The following PLCB1 variants were observed in gnomAD, a reference collection of about 807,000 sequenced individuals.
The protein encoded by PLCB1 is phospholipase C beta 1, also known as 1-phosphatidylinositol 4,5-bisphosphate phosphodiesterase beta-1.
A neutral mutation model predicts 161.8 loss-of-function variants in PLCB1; 46 were observed. That is an observed-to-expected ratio of 0.28 (90% CI 0.22 to 0.36). PLCB1 has a LOEUF of 0.36. Among genes scored for constraint, PLCB1 ranks in the 10% least tolerant of loss-of-function variants. The pLI is 1.00. For synonymous variants in PLCB1, 517 were observed against 503.7 expected, an observed-to-expected ratio of 1.03 and a Z score of -0.35; for missense variants, 1,016 against 1,472.5, an observed-to-expected ratio of 0.69 and a Z score of 5.07.
chr20:8,330,418 A>G (rs1985323350), intron 2 of PLCB1, among the ~76,000 whole-genome samples: 2 of 152,236 alleles, frequency 1.3e-5, no homozygotes, highest in Non-Finnish European at 2.9e-5. Flanking sequence ...TTATAGCCGT[A>G]GAAGAGCCAT....
At chr20:8,424,124 G>GAC (rs1307071872) in intron 3 of PLCB1, among the ~76,000 whole-genome samples, 2 of 151,942 alleles carry the variant, frequency 1.3e-5, no homozygotes, top group Non-Finnish European at 2.9e-5. Context: ...TCAAAAACCT[G>GAC]ACACACACAC....
chr20:8,316,533 A>G (rs1254351421), intron 2 of PLCB1, among the ~76,000 whole-genome samples: 1 of 152,158 alleles, frequency 6.6e-6, no homozygotes, highest in East Asian at 1.9e-4. Context: ...CGGAGTTCCC[A>G]TGAGATTGGC....
At chr20:8,651,587 CT>C (rs776016541) in intron 7 of PLCB1, 10 of 695,540 alleles carry the variant, frequency 1.4e-5, no homozygotes, top group Non-Finnish European at 2.4e-5. Flanking sequence ...CTGTCCCCGA[CT>C]TCAACAAATA....
intron 3 of PLCB1, among the ~76,000 whole-genome samples, chr20:8,467,106 AT>A (rs1981856680): frequency 1.3e-5 from 2 of 151,676 alleles, no homozygotes; most frequent in Admixed American, 6.6e-5. Flanking sequence ...TGCCCAACTA[AT>A]TTTTTGTATT....
chr20:8,502,202 C>T (rs1983455316), intron 3 of PLCB1, among the ~76,000 whole-genome samples: 1 of 151,940 alleles, frequency 6.6e-6, no homozygotes, highest in Admixed American at 6.6e-5. Flanking sequence ...TATGGGACAG[C>T]TCTAAATACA....
chr20:8,735,178 A>T (rs1405164343), intron 19 of PLCB1, among the ~76,000 whole-genome samples: 5 of 152,230 alleles, frequency 3.3e-5, no homozygotes, highest in Non-Finnish European at 5.9e-5. Flanking sequence ...AATTGTTGTT[A>T]TAGTTCGGTT....
At chr20:8,700,877 A>C (rs1024875254) in intron 11 of PLCB1, among the ~76,000 whole-genome samples, 6 of 152,200 alleles carry the variant, frequency 3.9e-5, no homozygotes, top group African/African-American at 1.4e-4. Context: ...GGTAGGTGAC[A>C]GTGGGTGAGG....
At chr20:8,229,082 C>A (rs1362436503) in intron 2 of PLCB1, among the ~76,000 whole-genome samples, 1 of 152,038 alleles carries the variant, frequency 6.6e-6, no homozygotes, top group African/African-American at 2.4e-5. Context: ...CTGTTCTATT[C>A]TACTTCTAAG....
At chr20:8,280,447 C>A (rs1177360538) in intron 2 of PLCB1, among the ~76,000 whole-genome samples, 1 of 151,838 alleles carries the variant, frequency 6.6e-6, no homozygotes, top group East Asian at 1.9e-4. Flanking sequence ...CTACTATTTT[C>A]TATTTGGGTT....
Position 8,333,936 on chromosome 20 carries a change from G to C in PLCB1, c.178-37446G>C, listed in dbSNP as rs548394118. Among the ~76,000 whole-genome samples the C allele has an allele frequency of 3.3e-5, 5 of 152,322 alleles. No homozygotes were observed. The South Asian group carries it at 1.0e-3, about 32-fold the overall frequency. ...AGAAAACATTAGCTTTGGGCCTGGC[G>C]CGGTGGCTCACGCCTATAATCCCAG... On this transcript the variant is annotated intron_variant, in intron 2 of 31. Coordinates refer to ENST00000338037, the MANE Select transcript of PLCB1 (RefSeq NM_015192.4).
intron 2 of PLCB1, among the ~76,000 whole-genome samples, chr20:8,253,613 A>G (rs1010657485): frequency 1.3e-5 from 2 of 151,912 alleles, no homozygotes; most frequent in African/African-American, 4.8e-5. Context: ...CTCTTCACAT[A>G]TATTTATTTA....
intron 3 of PLCB1, among the ~76,000 whole-genome samples, chr20:8,607,649 A>T (rs1209588530): frequency 6.6e-6 from 1 of 151,558 alleles, no homozygotes; most frequent in Non-Finnish European, 1.5e-5. Context: ...ATTTTACCTT[A>T]CCCCATTTTA....
intron 4 of PLCB1, among the ~76,000 whole-genome samples, chr20:8,629,967 T>TTTC (rs1988518918): frequency 6.3e-5 from 1 of 15,910 alleles, no homozygotes; most frequent in African/African-American, 1.8e-4. Context: ...TTCTTTCTTC[T>TTTC]TTCTTTCTTT....
intron 23 of PLCB1, among the ~76,000 whole-genome samples, chr20:8,753,870 C>G (rs1600299970): frequency 1.3e-5 from 2 of 152,288 alleles, no homozygotes; most frequent in African/African-American, 4.8e-5. Context: ...TGGACATGAC[C>G]TCACTTTGCC....
rs964510457 is a variant in PLCB1 at position 8,604,623 on chromosome 20, T to C, written c.247-23671T>C. ...ACAAGCAAAACAAGGGAAAGCATTA[T>C]TTGGTTGTCTGTCATTGCTAGGGTG... is the stretch of plus-strand genomic sequence containing the variant. On this transcript the variant is annotated intron_variant, in intron 3 of 31. Transcript: ENST00000338037. Among the ~76,000 whole-genome samples the C allele has an allele frequency of 1.3e-5, 2 of 152,150 alleles. 1 individual carries two copies. Among genetic ancestry groups the C allele is most frequent in the South Asian group, 4.1e-4 (2 of 4,824 alleles).
At chr20:8,195,302 A>C (rs2123115286) in intron 2 of PLCB1, among the ~76,000 whole-genome samples, 1 of 152,070 alleles carries the variant, frequency 6.6e-6, no homozygotes, top group East Asian at 1.9e-4. Context: ...GATATATTAA[A>C]CCTAATCCCC....
chr20:8,567,384 G>A (rs988018405), intron 3 of PLCB1, among the ~76,000 whole-genome samples: 8 of 151,894 alleles, frequency 5.3e-5, no homozygotes, highest in African/African-American at 1.9e-4. Flanking sequence ...ACAGTTTTTA[G>A]CCTAAATTAT....
At chr20:8,325,905 C>A (rs1017133130) in intron 2 of PLCB1, among the ~76,000 whole-genome samples, 1 of 152,168 alleles carries the variant, frequency 6.6e-6, no homozygotes, top group African/African-American at 2.4e-5. Context: ...GAGGACAACA[C>A]CTTCATTTGA....
intron 4 of PLCB1, among the ~76,000 whole-genome samples, chr20:8,634,093 T>C (rs62198917): frequency 0.13 from 20,179 of 152,230 alleles, 1,655 homozygotes; most frequent in Non-Finnish European, 0.17. Flanking sequence ...GAGCTAGATA[T>C]TGGAGTGTAA....
Sources: gnomAD v4.1 joint callset for allele counts (sites outside exome capture counted in the v4.1 genomes callset) on GRCh38, gnomAD v4.1.1 for gene constraint, MANE v1.5 for transcripts, NCBI Gene and HGNC (gene_info 2026-07-23, HGNC 2026-07-21) for gene names.